The following PROCR variants were observed in gnomAD, a reference collection of about 807,000 sequenced individuals.
The protein encoded by PROCR is protein C receptor.
A neutral mutation model predicts 24.2 loss-of-function variants in PROCR; 22 were observed. That is an observed-to-expected ratio of 0.91 (90% CI 0.65 to 1.30). The LOEUF (loss-of-function observed/expected upper bound fraction) is 1.30, where lower values mean the gene tolerates loss of function less well. Ranked by LOEUF, PROCR falls within the 50% of genes most tolerant of loss-of-function variation. PROCR has a pLI of 0.00. For synonymous variants in PROCR, 137 were observed against 139.2 expected (o/e 0.98, Z 0.11); for missense variants, 288 against 307.7 (o/e 0.94, Z 0.48).
At chr20:35,207,654 C>T (rs902612628) in intron 1 of PROCR, among the ~76,000 whole-genome samples, 11 of 151,926 alleles carry the variant, frequency 7.2e-5, no homozygotes, top group Non-Finnish European at 1.2e-4. Flanking sequence ...CTCAGCCTCC[C>T]GAGTAGCTGA....
rs2086026474 is a variant in PROCR, at chr20:35,176,915, G to T, written c.*102G>T. 6.5e-7 allele frequency: 1 copy of T among 1,542,662 alleles called. No homozygotes were observed. The highest frequency in any genetic ancestry group is 8.8e-7 in the Non-Finnish European group (1 of 1,141,970). On this transcript the variant is annotated 3_prime_UTR_variant, in exon 4 of 4. Transcript: ENST00000216968. ...GACTCCCCAACTGAAACACCAGAAGGTTTGGAGTGACAGCTCCTTTCTTCT... is the reference window on the plus strand; with the variant it reads ...GACTCCCCAACTGAAACACCAGAAGTTTTGGAGTGACAGCTCCTTTCTTCT...
intron 1 of PROCR, among the ~76,000 whole-genome samples, chr20:35,199,338 G>A (rs2060310440): frequency 6.6e-6 from 1 of 152,186 alleles, no homozygotes; most frequent in Admixed American, 6.5e-5. Context: ...AATGCACGTG[G>A]TCACCCAAGA....
intron 1 of PROCR, among the ~76,000 whole-genome samples, chr20:35,186,333 C>A (rs1378282355): frequency 6.6e-6 from 1 of 152,072 alleles, no homozygotes; most frequent in African/African-American, 2.4e-5. Flanking sequence ...CTTTGGGAGG[C>A]CAAGGCGGGT....
chr20:35,215,151 C>A (rs1163114829), intron 1 of PROCR, among the ~76,000 whole-genome samples: 1 of 152,166 alleles, frequency 6.6e-6, no homozygotes, highest in Non-Finnish European at 1.5e-5. Flanking sequence ...CTCAAGTGAT[C>A]CACCCGCCTC....
chr20:35,180,664 C>G (rs544159351), downstream of PROCR, among the ~76,000 whole-genome samples: 1 of 152,218 alleles, frequency 6.6e-6, no homozygotes, highest in Non-Finnish European at 1.5e-5. Context: ...TTCCAGATAA[C>G]CCAACTTGTG....
chr20:35,206,869 C>G (rs1050860082), intron 1 of PROCR, among the ~76,000 whole-genome samples: 6 of 152,152 alleles, frequency 3.9e-5, no homozygotes, highest in African/African-American at 1.2e-4. Context: ...AATTTATGTT[C>G]ATACCAAAAC....
intron 1 of PROCR, among the ~76,000 whole-genome samples, chr20:35,192,327 C>A (rs530022893): frequency 1.8e-4 from 27 of 152,178 alleles, no homozygotes; most frequent in Non-Finnish European, 3.7e-4. Flanking sequence ...GCTCGACAGT[C>A]AACAGGGACA....
chr20:35,189,663 G>A (rs964663892), intron 1 of PROCR, among the ~76,000 whole-genome samples: 15 of 152,104 alleles, frequency 9.9e-5, no homozygotes, highest in South Asian at 6.2e-4. Context: ...GGAACCTGCC[G>A]ACATGTGATG....
At chr20:35,204,974 G>C (rs2060332478) in intron 1 of PROCR, among the ~76,000 whole-genome samples, 1 of 151,866 alleles carries the variant, frequency 6.6e-6, no homozygotes, top group African/African-American at 2.4e-5. Context: ...TTTAATGCTG[G>C]TGTAACATTC....
intron 1 of PROCR, among the ~76,000 whole-genome samples, chr20:35,199,661 T>A (rs576097420): frequency 6.6e-6 from 1 of 150,916 alleles, no homozygotes; most frequent in South Asian, 2.1e-4. Context: ...AGCAGGAGAA[T>A]CGCTTGAACC....
intron 1 of PROCR, among the ~76,000 whole-genome samples, chr20:35,215,275 C>A (rs1266196503): frequency 6.6e-6 from 1 of 152,174 alleles, no homozygotes; most frequent in Non-Finnish European, 1.5e-5. Context: ...AACTTTTGAA[C>A]ACGTGTGTGG....
intron 1 of PROCR, among the ~76,000 whole-genome samples, chr20:35,182,698 G>A (rs547763570): frequency 5.4e-4 from 82 of 152,180 alleles, no homozygotes; most frequent in Admixed American, 8.5e-4. Context: ...TTATGTGGCC[G>A]GGCATGGTGG....
At chr20:35,177,803 T>G (rs1045096802), downstream of PROCR, among the ~76,000 whole-genome samples, 1 of 152,100 alleles carries the variant, frequency 6.6e-6, no homozygotes, top group African/African-American at 2.4e-5. Context: ...TAACCTCTAA[T>G]TGTCAAACCA....
chr20:35,180,684 C>T (rs1034213800), downstream of PROCR, among the ~76,000 whole-genome samples: 1 of 152,112 alleles, frequency 6.6e-6, no homozygotes, highest in Admixed American at 6.6e-5. Flanking sequence ...GTGTGTGTGT[C>T]TCTCTCTCTT....
At chr20:35,178,518 T>TTTTTTTTG (rs2086047834), downstream of PROCR, among the ~76,000 whole-genome samples, 2 of 50,220 alleles carry the variant, frequency 4.0e-5, no homozygotes, top group South Asian at 9.2e-4. Context: ...TTTTTTTTTT[T>TTTTTTTTG]TTTTTTTTTT....
chr20:35,176,429 C>A lies in PROCR; in HGVS notation c.584C>A (p.Ser195Tyr). The A allele has an allele frequency of 2.5e-6, 4 of 1,614,012 alleles. No individual in the cohort carries two copies. Among genetic ancestry groups the A allele is most frequent in the Non-Finnish European group, 3.4e-6 (4 of 1,179,946 alleles). ...GTGCAGTATGTGCAGAAACATATTTCCGCGGAAAACACGAAAGGTATGATG... is the reference window on the plus strand; with the variant it reads ...GTGCAGTATGTGCAGAAACATATTTACGCGGAAAACACGAAAGGTATGATG... ...TCVQYVQKHISAENTKGSQTS... is the reference protein window; with the variant it reads ...TCVQYVQKHIYAENTKGSQTS... Residue 195 changes from serine to tyrosine, a missense_variant, in exon 3 of 4, where the codon TCC becomes TAC. Ser to Tyr is a moderately radical substitution (Grantham distance 144, BLOSUM62 -2). Transcript: ENST00000216968.
chr20:35,214,268 C>T (rs2060372697), intron 1 of PROCR, among the ~76,000 whole-genome samples: 1 of 152,158 alleles, frequency 6.6e-6, no homozygotes, highest in Non-Finnish European at 1.5e-5. Flanking sequence ...CCGATTATTA[C>T]ACAAATAGTA....
chr20:35,178,414 T>TA (rs374008630), downstream of PROCR, among the ~76,000 whole-genome samples: 10,544 of 49,698 alleles, frequency 0.21, 1,680 homozygotes, highest in Non-Finnish European at 0.28. Flanking sequence ...TTTTTAATTC[T>TA]AAAAAAAAAA....
intron 1 of PROCR, among the ~76,000 whole-genome samples, chr20:35,208,634 C>T (rs1362732480): frequency 2.6e-5 from 4 of 152,196 alleles, no homozygotes; most frequent in Non-Finnish European, 5.9e-5. Flanking sequence ...CACTACACAA[C>T]ACTGGAAAGA....
Sources: allele counts gnomAD v4.1 joint callset (sites outside exome capture counted in the v4.1 genomes callset), GRCh38; gene constraint gnomAD v4.1.1; transcripts MANE v1.5; gene names NCBI Gene and HGNC (gene_info 2026-07-23, HGNC 2026-07-21).